Variants in RASAL2 observed in about 807,000 individuals in gnomAD.
RASAL2 encodes RAS protein activator like 2.
RASAL2 carries 58 observed loss-of-function variants against 128.9 expected under a neutral mutation model. The observed-to-expected ratio is 0.45, with a 90% CI of 0.36 to 0.56. RASAL2 has a LOEUF of 0.56. RASAL2 is among the 20% of genes least tolerant of loss of function. The pLI, the probability that RASAL2 is intolerant of heterozygous loss-of-function variation, is 0.00. For missense variants in RASAL2, 1,360 were observed against 1,601.6 expected, an observed-to-expected ratio of 0.85 and a Z score of 2.57; for synonymous variants, 561 against 580.8, an observed-to-expected ratio of 0.97 and a Z score of 0.49.
At chr1:178,218,317 G>T (rs1179703270) in intron 1 of RASAL2, among the ~76,000 whole-genome samples, 1 of 152,172 alleles carries the variant, frequency 6.6e-6, no homozygotes, top group Admixed American at 6.5e-5. Context: ...GTAACTAAGT[G>T]CATTGTCAAT....
chr1:178,434,180 A>G (rs142087207), intron 5 of RASAL2, among the ~76,000 whole-genome samples: 2 of 152,218 alleles, frequency 1.3e-5, no homozygotes, highest in African/African-American at 4.8e-5. Flanking sequence ...GTGCTAGTAG[A>G]TTATATTACC....
chr1:178,319,957 T>A (rs1668674225), intron 3 of RASAL2, among the ~76,000 whole-genome samples: 1 of 152,196 alleles, frequency 6.6e-6, no homozygotes, highest in African/African-American at 2.4e-5. Context: ...GATGGTGATG[T>A]ACAGATGGGT....
intron 1 of RASAL2, among the ~76,000 whole-genome samples, chr1:178,270,910 A>G (rs1666214965): frequency 6.6e-6 from 1 of 152,128 alleles, no homozygotes; most frequent in East Asian, 1.9e-4. Flanking sequence ...GTAAAAGTCT[A>G]ATTTTGAGAG....
At chr1:178,175,668 G>GT (rs71567182) in intron 1 of RASAL2, among the ~76,000 whole-genome samples, 23,353 of 145,774 alleles carry the variant, frequency 0.16, 2,911 homozygotes, top group African/African-American at 0.35. Context: ...CTATATGTAG[G>GT]TTTTTTTTTT....
intron 1 of RASAL2, among the ~76,000 whole-genome samples, chr1:178,121,976 G>T (rs776930582): frequency 1.3e-5 from 2 of 151,524 alleles, no homozygotes; most frequent in Admixed American, 6.6e-5. Context: ...CTGTTTTCTG[G>T]TTTTTTTTCT....
chr1:178,151,611 T>C (rs183891786), intron 1 of RASAL2, among the ~76,000 whole-genome samples: 4 of 152,242 alleles, frequency 2.6e-5, no homozygotes, highest in Admixed American at 6.5e-5. Flanking sequence ...TAACCAGAAT[T>C]GATTGTATAT....
intron 4 of RASAL2, among the ~76,000 whole-genome samples, chr1:178,417,665 A>T (rs1441103404): frequency 6.6e-6 from 1 of 151,308 alleles, no homozygotes. Context: ...AGGTTGAGGC[A>T]GGAGAAGAGC....
chr1:178,263,074 G>A (rs1665775545), intron 1 of RASAL2, among the ~76,000 whole-genome samples: 1 of 152,056 alleles, frequency 6.6e-6, no homozygotes, highest in African/African-American at 2.4e-5. Flanking sequence ...GCAAATCTGT[G>A]CAGTACTTTT....
intron 3 of RASAL2, chr1:178,341,710 G>T: frequency 6.6e-7 from 1 of 1,523,664 alleles, no homozygotes; most frequent in Non-Finnish European, 9.0e-7. Context: ...TTACCTTTAT[G>T]ATTATTGGCT....
At position 178,451,562 on chromosome 1, in the gene RASAL2, T is replaced by C. The variant is rs372607277; in HGVS notation, c.1628-9T>C. On this transcript the variant is annotated splice_polypyrimidine_tract_variant and intron_variant, in intron 9 of 17. Coordinates refer to ENST00000367649, the MANE Select transcript of RASAL2 (RefSeq NM_170692.4). ...TATAGCTATACCGTTATCTTCTCTC[T>C]TCAAATAGGGGAGTTTATCAAAGCT... 20 of 1,612,420 alleles carry C rather than the reference T, an allele frequency of 1.2e-5. No individual in the cohort carries two copies. In the African/African-American group the frequency reaches 2.4e-4, roughly 19 times the overall value.
chr1:178,114,458 T>C (rs1659450335), intron 1 of RASAL2, among the ~76,000 whole-genome samples: 1 of 152,074 alleles, frequency 6.6e-6, no homozygotes, highest in Non-Finnish European at 1.5e-5. Context: ...CCTGTATCTA[T>C]GGAGAAGACC....
intron 3 of RASAL2, among the ~76,000 whole-genome samples, chr1:178,305,791 TA>T (rs1667957883): frequency 6.6e-6 from 1 of 152,192 alleles, no homozygotes; most frequent in Non-Finnish European, 1.5e-5. Flanking sequence ...AGATGATATT[TA>T]AAACCCTGAG....
At chr1:178,427,705 A>C (rs142727760) in intron 5 of RASAL2, among the ~76,000 whole-genome samples, 1 of 152,194 alleles carries the variant, frequency 6.6e-6, no homozygotes, top group East Asian at 1.9e-4. Context: ...TAATATCAAA[A>C]CCAGGTAATG....
At chr1:178,338,287 G>A (rs902573531) in intron 3 of RASAL2, among the ~76,000 whole-genome samples, 4 of 151,850 alleles carry the variant, frequency 2.6e-5, no homozygotes, top group African/African-American at 7.3e-5. Context: ...GTGCCACCAC[G>A]CCTGGCTAAT....
intron 3 of RASAL2, among the ~76,000 whole-genome samples, chr1:178,368,138 G>C (rs534899359): frequency 1.2e-3 from 176 of 152,210 alleles, no homozygotes; most frequent in African/African-American, 4.1e-3. Flanking sequence ...GCTGACCCCT[G>C]CCTAAATTGG....
intron 3 of RASAL2, among the ~76,000 whole-genome samples, chr1:178,387,470 C>T (rs1048555422): frequency 6.6e-6 from 1 of 151,924 alleles, no homozygotes; most frequent in Non-Finnish European, 1.5e-5. Flanking sequence ...GTGTGCTGCA[C>T]CCATTAATTC....
In RASAL2 at chr1:178,373,274, C is replaced by CTTTTTTTTTTTTTTTTTTTTTTTTTTT. The variant is rs60835442; in HGVS notation, c.458-16811_458-16810insTTTTTTTTTTTTTTTTTTTTTTTTTTT. On this transcript the variant is annotated intron_variant, in intron 3 of 17. Transcript: ENST00000367649. ...TCAATCTTAGCATTCTGTTTCTTTC[C>CTTTTTTTTTTTTTTTTTTTTTTTTTTT]TTTTTTTTTTTTTTTGCAGTTTAGA... Among the ~76,000 whole-genome samples, 64 of 60,042 alleles carry CTTTTTTTTTTTTTTTTTTTTTTTTTTT rather than the reference C, an allele frequency of 1.1e-3. 8 individuals carry two copies. Among genetic ancestry groups the CTTTTTTTTTTTTTTTTTTTTTTTTTTT allele is most frequent in the Admixed American group, 1.2e-3 (5 of 4,294 alleles). The allele number at this position is 60,042 out of a possible 152,430, so 39.4% of individuals were successfully genotyped here. A position where few individuals can be genotyped will look rare whatever the true frequency, so the allele number is the denominator to read the frequency against.
At chr1:178,181,604 A>G (rs1662111418) in intron 1 of RASAL2, among the ~76,000 whole-genome samples, 1 of 152,098 alleles carries the variant, frequency 6.6e-6, no homozygotes, top group Non-Finnish European at 1.5e-5. Flanking sequence ...TTTCTGTTTC[A>G]GGATGCCATC....
At chr1:178,281,429 T>C (rs1011577552) in intron 1 of RASAL2, among the ~76,000 whole-genome samples, 2 of 152,118 alleles carry the variant, frequency 1.3e-5, no homozygotes, top group Admixed American at 6.5e-5. Context: ...AGTGAGGCTT[T>C]AAGAGAATTT....
Sources: gnomAD v4.1 joint callset for allele counts (sites outside exome capture counted in the v4.1 genomes callset) on GRCh38, gnomAD v4.1.1 for gene constraint, MANE v1.5 for transcripts, NCBI Gene and HGNC (gene_info 2026-07-23, HGNC 2026-07-21) for gene names.